The following AGBL4 variants were observed in gnomAD, a reference collection of about 807,000 sequenced individuals.
AGBL4 encodes the protein AGBL carboxypeptidase 4.
AGBL4 carries 58 observed loss-of-function variants against 66.4 expected under a neutral mutation model. That is an observed-to-expected ratio of 0.87 (90% confidence interval 0.71 to 1.09). The LOEUF is 1.09. Among genes scored for constraint, AGBL4 ranks in the 50% least tolerant of loss-of-function variants. AGBL4 has a pLI of 0.00. For synonymous variants in AGBL4, 234 were observed against 222.9 expected (o/e 1.05, Z -0.44); for missense variants, 579 against 631.0 (o/e 0.92, Z 0.88).
intron 1 of AGBL4, among the ~76,000 whole-genome samples, chr1:49,930,045 C>A (rs1401224374): frequency 6.6e-6 from 1 of 151,384 alleles, no homozygotes; most frequent in Non-Finnish European, 1.5e-5. Context: ...TTTAAGAAAG[C>A]AAATAAAATT....
intron 5 of AGBL4, among the ~76,000 whole-genome samples, chr1:48,963,531 T>C (rs918589337): frequency 1.3e-5 from 2 of 151,698 alleles, no homozygotes; most frequent in Non-Finnish European, 2.9e-5. Context: ...TCCAGACCTG[T>C]CATCTCTCAC....
chr1:48,583,751 C>T (rs1329552543), intron 11 of AGBL4: 2 of 152,100 alleles, frequency 1.3e-5, no homozygotes, highest in Admixed American at 6.5e-5. Flanking sequence ...TTGCCTTTCC[C>T]ATCAGACCAT....
intron 6 of AGBL4, among the ~76,000 whole-genome samples, chr1:48,837,318 G>A (rs1646699677): frequency 6.6e-6 from 1 of 151,994 alleles, no homozygotes; most frequent in African/African-American, 2.4e-5. Flanking sequence ...GGTTAATACT[G>A]AGTGTCAACT....
chr1:49,768,525 T>A (rs1643959586), intron 2 of AGBL4, among the ~76,000 whole-genome samples: 1 of 152,092 alleles, frequency 6.6e-6, no homozygotes, highest in South Asian at 2.1e-4. Flanking sequence ...AGAGCACACA[T>A]CCAAATGATA....
At chr1:49,200,817 T>C (rs547038804) in intron 4 of AGBL4, among the ~76,000 whole-genome samples, 34 of 152,316 alleles carry the variant, frequency 2.2e-4, no homozygotes, top group East Asian at 5.8e-4. Flanking sequence ...CTTCATTACA[T>C]AGGCATGATT....
chr1:49,117,462 T>C (rs970669953), intron 4 of AGBL4, among the ~76,000 whole-genome samples: 9 of 152,196 alleles, frequency 5.9e-5, no homozygotes, highest in African/African-American at 1.9e-4. Flanking sequence ...CCCAGCACCA[T>C]TTATTAAATA....
At chr1:49,962,999 T>C (rs1657243781) in intron 1 of AGBL4, among the ~76,000 whole-genome samples, 1 of 152,064 alleles carries the variant, frequency 6.6e-6, no homozygotes, top group South Asian at 2.1e-4. Context: ...CCCCTGCACA[T>C]CAATCAAAGT....
At chr1:49,303,770 C>T (rs911379289) in intron 3 of AGBL4, among the ~76,000 whole-genome samples, 7 of 152,036 alleles carry the variant, frequency 4.6e-5, no homozygotes, top group Non-Finnish European at 8.8e-5. Context: ...GCCACTGCAC[C>T]CAACCTAAAT....
chr1:49,899,274 TA>T lies in AGBL4; in HGVS notation c.35-47757del, dbSNP rs949346881. Reference sequence around the variant, plus strand: ...TACACCTACTATGTGTCCACAAAAATAAAAAAAAAATTAAAATAATGAATAA... The same window carrying T: ...TACACCTACTATGTGTCCACAAAAATAAAAAAAAATTAAAATAATGAATAA... On this transcript the variant is annotated intron_variant, in intron 1 of 13. Transcript: ENST00000371839. Among the ~76,000 whole-genome samples, 102 of 147,878 alleles carry T rather than the reference TA, an allele frequency of 6.9e-4. 1 individual carries two copies. Among genetic ancestry groups the T allele is most frequent in the African/African-American group, 1.7e-3 (67 of 40,376 alleles).
chr1:49,332,498 G>A (rs1645354823), intron 3 of AGBL4, among the ~76,000 whole-genome samples: 1 of 152,146 alleles, frequency 6.6e-6, no homozygotes, highest in Admixed American at 6.6e-5. Flanking sequence ...CCAAAACCAA[G>A]AAAGGACAGT....
intron 4 of AGBL4, among the ~76,000 whole-genome samples, chr1:49,220,511 T>G (rs1649414963): frequency 6.6e-6 from 1 of 152,204 alleles, no homozygotes; most frequent in African/African-American, 2.4e-5. Context: ...ATGATAGAGC[T>G]TAATATAATT....
At chr1:49,430,031 A>G (rs1250279644) in intron 3 of AGBL4, among the ~76,000 whole-genome samples, 1 of 151,674 alleles carries the variant, frequency 6.6e-6, no homozygotes, top group Non-Finnish European at 1.5e-5. Flanking sequence ...ATTTTTTGTA[A>G]AGATGAGGTT....
chr1:48,925,320 A>G (rs1654446936), intron 5 of AGBL4, among the ~76,000 whole-genome samples: 1 of 152,148 alleles, frequency 6.6e-6, no homozygotes, highest in Non-Finnish European at 1.5e-5. Flanking sequence ...ATACTCCTGT[A>G]TACTTTAAAT....
intron 6 of AGBL4, among the ~76,000 whole-genome samples, chr1:48,828,813 A>G (rs905285702): frequency 2.0e-5 from 3 of 152,184 alleles, no homozygotes; most frequent in Admixed American, 6.5e-5. Context: ...AAGAAAATGA[A>G]GAGTGACATT....
chr1:49,895,282 G>A (rs1649079905), intron 1 of AGBL4, among the ~76,000 whole-genome samples: 1 of 149,878 alleles, frequency 6.7e-6, no homozygotes, highest in African/African-American at 2.4e-5. Context: ...CATAAAGAAA[G>A]GGACATTAAT....
intron 3 of AGBL4, among the ~76,000 whole-genome samples, chr1:49,247,860 G>T (rs942325737): frequency 1.3e-5 from 2 of 151,976 alleles, no homozygotes; most frequent in Non-Finnish European, 2.9e-5. Context: ...ATTTTAGCCC[G>T]ATTTTAGATG....
At chr1:49,030,545 T>C (rs1255687161) in intron 5 of AGBL4, among the ~76,000 whole-genome samples, 1 of 152,062 alleles carries the variant, frequency 6.6e-6, no homozygotes, top group Non-Finnish European at 1.5e-5. Context: ...CTGTCTCCTG[T>C]CAGATCAGTG....
chr1:49,595,640 GAT>G (rs1430073689), intron 3 of AGBL4, among the ~76,000 whole-genome samples: 1 of 151,658 alleles, frequency 6.6e-6, no homozygotes, highest in Non-Finnish European at 1.5e-5. Flanking sequence ...GTTTCTTTTG[GAT>G]GTGATTGATG....
At chr1:48,622,383 C>T (rs954855555) in intron 9 of AGBL4, among the ~76,000 whole-genome samples, 3 of 152,034 alleles carry the variant, frequency 2.0e-5, no homozygotes, top group African/African-American at 7.3e-5. Flanking sequence ...ACATGTGCTA[C>T]CCTGTGCTTC....
Sources: gnomAD v4.1 joint callset for allele counts (sites outside exome capture counted in the v4.1 genomes callset) on GRCh38, gnomAD v4.1.1 for gene constraint, MANE v1.5 for transcripts, NCBI Gene and HGNC (gene_info 2026-07-23, HGNC 2026-07-21) for gene names.